The following CACNA2D3 variants were observed in gnomAD, a reference collection of about 807,000 sequenced individuals.
CACNA2D3 encodes calcium voltage-gated channel auxiliary subunit alpha2delta 3.
CACNA2D3 carries 60 observed loss-of-function variants against 160.6 expected under a neutral mutation model. That is an observed-to-expected ratio of 0.37 (90% CI 0.30 to 0.46). The LOEUF (loss-of-function observed/expected upper bound fraction) is 0.46. Among genes scored for constraint, CACNA2D3 ranks in the 20% least tolerant of loss-of-function variants. The pLI, the probability that CACNA2D3 is intolerant of heterozygous loss-of-function variation, is 1.00. For synonymous variants in CACNA2D3, 558 were observed against 492.9 expected, an observed-to-expected ratio of 1.13 and a Z score of -1.75; for missense variants, 1,205 against 1,365.0, an observed-to-expected ratio of 0.88 and a Z score of 1.85.
chr3:55,019,424 A>G (rs560400336), intron 35 of CACNA2D3, among the ~76,000 whole-genome samples: 17 of 152,232 alleles, frequency 1.1e-4, no homozygotes, highest in African/African-American at 3.8e-4. Flanking sequence ...TTTTTATAAT[A>G]AACTAAGTAT....
rs145007619 is a variant in CACNA2D3, at chr3:54,365,010, A to G, written c.322-21705A>G. Reference sequence around the variant, plus strand: ...TTATGCTCTTTCTGTCTGATAGGAGATAAATGGGGAAATGAAATGGTTGGC... The same window carrying G: ...TTATGCTCTTTCTGTCTGATAGGAGGTAAATGGGGAAATGAAATGGTTGGC... On this transcript the variant is annotated intron_variant, in intron 3 of 37. Transcript: ENST00000474759. Among the ~76,000 whole-genome samples the G allele has an allele frequency of 3.3e-5, 5 of 152,280 alleles. No homozygotes were observed. The East Asian group carries it at 7.7e-4, about 24-fold the overall frequency.
chr3:54,757,186 A>G (rs1386008578), intron 12 of CACNA2D3, among the ~76,000 whole-genome samples: 1 of 152,172 alleles, frequency 6.6e-6, no homozygotes, highest in East Asian at 1.9e-4. Flanking sequence ...TTCAGAAATC[A>G]CAGTTAATGG....
At chr3:54,907,676 T>G (rs1416028128) in intron 27 of CACNA2D3, among the ~76,000 whole-genome samples, 2 of 152,222 alleles carry the variant, frequency 1.3e-5, no homozygotes, top group Admixed American at 1.3e-4. Flanking sequence ...TATCTTGATA[T>G]GTTTTGTATT....
At chr3:54,512,545 C>T (rs1701476399) in intron 5 of CACNA2D3, among the ~76,000 whole-genome samples, 2 of 152,142 alleles carry the variant, frequency 1.3e-5, no homozygotes, top group African/African-American at 4.8e-5. Context: ...CTTGGAAACC[C>T]TTTTTTCACT....
intron 5 of CACNA2D3, among the ~76,000 whole-genome samples, chr3:54,505,899 C>T (rs1192437182): frequency 3.3e-5 from 5 of 152,218 alleles, no homozygotes; most frequent in Non-Finnish European, 7.3e-5. Flanking sequence ...GATTCCTAGA[C>T]AGAATCTTCA....
At chr3:55,023,367 A>T (rs1442262267) in intron 35 of CACNA2D3, among the ~76,000 whole-genome samples, 1 of 152,044 alleles carries the variant, frequency 6.6e-6, no homozygotes, top group Admixed American at 6.6e-5. Context: ...TTTCCTTTTG[A>T]TCCTGTCTGG....
chr3:54,436,177 A>C (rs1439910495), intron 4 of CACNA2D3, among the ~76,000 whole-genome samples: 10 of 152,262 alleles, frequency 6.6e-5, no homozygotes, highest in Admixed American at 6.5e-4. Context: ...ATATTAAAAA[A>C]AACTCATCAT....
intron 4 of CACNA2D3, among the ~76,000 whole-genome samples, chr3:54,402,339 G>T (rs989021377): frequency 2.6e-5 from 4 of 151,934 alleles, no homozygotes; most frequent in African/African-American, 9.7e-5. Context: ...ACATAGAGTG[G>T]CTAAATTGAT....
At chr3:54,461,159 G>C (rs572350576) in intron 4 of CACNA2D3, among the ~76,000 whole-genome samples, 71 of 152,182 alleles carry the variant, frequency 4.7e-4, no homozygotes, top group African/African-American at 1.7e-3. Context: ...TTTTTGATGT[G>C]CTGCTGGATT....
At chr3:54,994,120 A>G (rs926839810) in intron 31 of CACNA2D3, among the ~76,000 whole-genome samples, 1 of 152,052 alleles carries the variant, frequency 6.6e-6, no homozygotes, top group Non-Finnish European at 1.5e-5. Flanking sequence ...AGCTTCTGCT[A>G]TTTAAATCAC....
intron 13 of CACNA2D3, among the ~76,000 whole-genome samples, chr3:54,794,605 A>AT (rs199707593): frequency 0.29 from 40,978 of 140,730 alleles, 6,029 homozygotes; most frequent in African/African-American, 0.37. Flanking sequence ...TCTCAGATAT[A>AT]TTTTTTTTTT....
intron 10 of CACNA2D3, chr3:54,638,005 GT>G (rs1172393693): frequency 6.6e-6 from 1 of 152,086 alleles, no homozygotes; most frequent in East Asian, 1.9e-4. Flanking sequence ...GCGTTTGGAA[GT>G]TCTTGTGTGC....
At chr3:54,697,639 A>T (rs138713220) in intron 11 of CACNA2D3, among the ~76,000 whole-genome samples, 1 of 152,136 alleles carries the variant, frequency 6.6e-6, no homozygotes, top group African/African-American at 2.4e-5. Context: ...TCTGGAAGGA[A>T]TGGAGCCATG....
chr3:55,071,966 A>G (rs1297288175), intron 35 of CACNA2D3, among the ~76,000 whole-genome samples: 1 of 152,208 alleles, frequency 6.6e-6, no homozygotes, highest in Admixed American at 6.5e-5. Flanking sequence ...TCTCAGGTAG[A>G]ATATATTTAT....
chr3:54,912,779 T>C (rs1213310123), intron 27 of CACNA2D3, among the ~76,000 whole-genome samples: 1 of 152,142 alleles, frequency 6.6e-6, no homozygotes, highest in Non-Finnish European at 1.5e-5. Context: ...GGGACAGATA[T>C]TTTATATTTC....
At chr3:54,678,345 CAA>C (rs746206098) in intron 11 of CACNA2D3, among the ~76,000 whole-genome samples, 4 of 152,024 alleles carry the variant, frequency 2.6e-5, no homozygotes, top group Non-Finnish European at 4.4e-5. Flanking sequence ...AAATTGAAGA[CAA>C]GAGAGAGTTT....
Position 54,428,575 on chromosome 3 carries a change from T to A in CACNA2D3, c.381+41801T>A, listed in dbSNP as rs1021348464. Among the ~76,000 whole-genome samples, 9 of 152,176 alleles carry A rather than the reference T, an allele frequency of 5.9e-5. No homozygotes were observed. The South Asian group carries it at 1.9e-3, about 32-fold the overall frequency. On this transcript the variant is annotated intron_variant, in intron 4 of 37. Coordinates refer to ENST00000474759, the MANE Select transcript of CACNA2D3 (RefSeq NM_018398.3). Reference sequence around the variant, plus strand: ...AGTTAAAAAATCTGGAACTTTGATATATTTCTTTTTTTTTTTTTCACCTTT... The same window carrying A: ...AGTTAAAAAATCTGGAACTTTGATAAATTTCTTTTTTTTTTTTTCACCTTT...
At chr3:54,165,901 G>A (rs1380941677) in intron 2 of CACNA2D3, among the ~76,000 whole-genome samples, 1 of 152,100 alleles carries the variant, frequency 6.6e-6, no homozygotes, top group East Asian at 1.9e-4. Flanking sequence ...ACCATGGGAT[G>A]GTATAGAGGC....
chr3:54,685,288 A>G (rs1049896081), intron 11 of CACNA2D3, among the ~76,000 whole-genome samples: 3 of 152,224 alleles, frequency 2.0e-5, no homozygotes, highest in African/African-American at 4.8e-5. Context: ...AAAGTGCCAG[A>G]TAGTGTTTTA....
Sources: gnomAD v4.1 joint callset for allele counts (sites outside exome capture counted in the v4.1 genomes callset) on GRCh38, gnomAD v4.1.1 for gene constraint, MANE v1.5 for transcripts, NCBI Gene and HGNC (gene_info 2026-07-23, HGNC 2026-07-21) for gene names.